The following CNTNAP2 variants were observed in gnomAD, a reference collection of about 807,000 sequenced individuals.
CNTNAP2 encodes contactin-associated protein-like 2.
Under a neutral mutation model 155.2 loss-of-function variants are expected in CNTNAP2, and 98 were observed. That is an observed-to-expected ratio of 0.63 (90% CI 0.54 to 0.75). CNTNAP2 has a LOEUF of 0.75. Ranked by LOEUF, CNTNAP2 falls within the 30% of genes least tolerant of loss-of-function variation. CNTNAP2 has a pLI of 0.00. For synonymous variants in CNTNAP2, 651 were observed against 631.2 expected, an observed-to-expected ratio of 1.03 and a Z score of -0.47; for missense variants, 1,727 against 1,688.1, an observed-to-expected ratio of 1.02 and a Z score of -0.40.
chr7:146,735,541 C>T (rs1043801075), intron 1 of CNTNAP2, among the ~76,000 whole-genome samples: 20 of 151,996 alleles, frequency 1.3e-4, no homozygotes, highest in African/African-American at 4.3e-4. Flanking sequence ...GGCAACAGAG[C>T]AAGACTCTGT....
At chr7:146,324,002 C>T (rs1218216736) in intron 1 of CNTNAP2, among the ~76,000 whole-genome samples, 1 of 152,114 alleles carries the variant, frequency 6.6e-6, no homozygotes, top group Non-Finnish European at 1.5e-5. Context: ...AAAGACATTT[C>T]TCTTATAAGG....
chr7:147,530,628 C>A (rs112276503), intron 11 of CNTNAP2, among the ~76,000 whole-genome samples: 2 of 152,144 alleles, frequency 1.3e-5, no homozygotes, highest in Non-Finnish European at 2.9e-5. Context: ...GTTACCTCCC[C>A]CTCAGTCCCT....
chr7:148,330,094 G>C (rs1027094528), intron 21 of CNTNAP2, among the ~76,000 whole-genome samples: 8 of 152,286 alleles, frequency 5.3e-5, no homozygotes, highest in African/African-American at 1.9e-4. Context: ...TGGACACATG[G>C]AATGGATGGA....
intron 14 of CNTNAP2, among the ~76,000 whole-genome samples, chr7:147,973,774 G>A (rs1048215702): frequency 5.3e-5 from 8 of 152,016 alleles, no homozygotes; most frequent in South Asian, 4.2e-4. Context: ...TTTTTAAGAC[G>A]AAAAGTCCAA....
chr7:146,473,168 T>C (rs1796824755), intron 1 of CNTNAP2, among the ~76,000 whole-genome samples: 1 of 151,716 alleles, frequency 6.6e-6, no homozygotes, highest in Non-Finnish European at 1.5e-5. Flanking sequence ...TGGGGAAAAA[T>C]TTCTCTGGCA....
chr7:146,972,447 GTATGT>G (rs1307382373), intron 3 of CNTNAP2, among the ~76,000 whole-genome samples: 1 of 152,012 alleles, frequency 6.6e-6, no homozygotes, highest in Non-Finnish European at 1.5e-5. Flanking sequence ...CAATTTTCAA[GTATGT>G]TATATGTACA....
At chr7:147,449,516 TA>T (rs1331287942) in intron 10 of CNTNAP2, among the ~76,000 whole-genome samples, 7 of 152,110 alleles carry the variant, frequency 4.6e-5, no homozygotes, top group African/African-American at 1.7e-4. Context: ...ATTATCCAGC[TA>T]AAAGTTAAAA....
chr7:146,969,533 T>G (rs1162428121), intron 3 of CNTNAP2, among the ~76,000 whole-genome samples: 1 of 152,172 alleles, frequency 6.6e-6, no homozygotes, highest in Non-Finnish European at 1.5e-5. Flanking sequence ...AGTTAGCTCT[T>G]CTTGTTGAAT....
chr7:148,095,295 A>G (rs1315170423), intron 15 of CNTNAP2, among the ~76,000 whole-genome samples: 1 of 152,198 alleles, frequency 6.6e-6, no homozygotes, highest in Non-Finnish European at 1.5e-5. Context: ...ACTCCTGCTC[A>G]TGGAAACCTC....
intron 20 of CNTNAP2, among the ~76,000 whole-genome samples, chr7:148,259,824 A>C (rs11980200): frequency 6.6e-6 from 1 of 152,136 alleles, no homozygotes; most frequent in African/African-American, 2.4e-5. Context: ...GGTCCTGCCT[A>C]AATCAGTATG....
At chr7:147,611,511 A>G (rs1172372941) in intron 12 of CNTNAP2, among the ~76,000 whole-genome samples, 1 of 152,244 alleles carries the variant, frequency 6.6e-6, no homozygotes, top group Admixed American at 6.5e-5. Context: ...TCTTCCTAGA[A>G]AATGGCTAAT....
At chr7:146,731,925 C>T (rs1160279132) in intron 1 of CNTNAP2, among the ~76,000 whole-genome samples, 2 of 151,634 alleles carry the variant, frequency 1.3e-5, no homozygotes, top group East Asian at 3.9e-4. Context: ...GTAAAAATTA[C>T]ATTTTTTGTC....
intron 1 of CNTNAP2, among the ~76,000 whole-genome samples, chr7:146,386,242 C>T (rs1795458712): frequency 6.6e-6 from 1 of 152,108 alleles, no homozygotes; most frequent in African/African-American, 2.4e-5. Context: ...CTCCTCCCCT[C>T]CATTTGTCCC....
At chr7:147,163,869 C>A (rs1802073392) in intron 8 of CNTNAP2, among the ~76,000 whole-genome samples, 1 of 152,054 alleles carries the variant, frequency 6.6e-6, no homozygotes, top group African/African-American at 2.4e-5. Flanking sequence ...TAGTTTTTCC[C>A]AGCATCAGAC....
At chr7:147,098,261 C>A (rs769714253) in intron 4 of CNTNAP2, among the ~76,000 whole-genome samples, 1 of 152,160 alleles carries the variant, frequency 6.6e-6, no homozygotes, top group African/African-American at 2.4e-5. Context: ...CCCTCAGCTT[C>A]CTCAGGGAGC....
chr7:148,220,425 A>C (rs1486974463), intron 19 of CNTNAP2, among the ~76,000 whole-genome samples: 1 of 152,234 alleles, frequency 6.6e-6, no homozygotes, highest in Non-Finnish European at 1.5e-5. Flanking sequence ...TAACTATGAA[A>C]ATAAAAATTG....
At chr7:146,739,989 G>C (rs1336902204) in intron 1 of CNTNAP2, among the ~76,000 whole-genome samples, 2 of 151,760 alleles carry the variant, frequency 1.3e-5, no homozygotes, top group Admixed American at 6.6e-5. Flanking sequence ...TACTTGCATG[G>C]AATATATTTT....
chr7:146,468,303 G>A (rs141764212), intron 1 of CNTNAP2, among the ~76,000 whole-genome samples: 475 of 152,198 alleles, frequency 3.1e-3, no homozygotes, highest in Middle Eastern at 0.01. Context: ...GAGTAGAGGG[G>A]CAAGATTTGA....
At chr7:147,498,171 T>TAAAAA (rs58638014) in intron 11 of CNTNAP2, among the ~76,000 whole-genome samples, 5 of 130,398 alleles carry the variant, frequency 3.8e-5, no homozygotes, top group Admixed American at 7.7e-5. Flanking sequence ...CAAGCTATGA[T>TAAAAA]AAAAAAAAAA....
Sources: gnomAD v4.1 joint callset for allele counts (sites outside exome capture counted in the v4.1 genomes callset) on GRCh38, gnomAD v4.1.1 for gene constraint, MANE v1.5 for transcripts, NCBI Gene and HGNC (gene_info 2026-07-23, HGNC 2026-07-21) for gene names.